The following CHL1 variants were observed in gnomAD, a reference collection of about 807,000 sequenced individuals.
The protein encoded by CHL1 is cell adhesion molecule L1 like.
Under a neutral mutation model 141.9 loss-of-function variants are expected in CHL1, and 96 were observed. The ratio of observed to expected loss-of-function variants is 0.68; its 90% CI spans 0.57 to 0.80. The LOEUF (loss-of-function observed/expected upper bound fraction) is 0.80, where lower values mean the gene tolerates loss of function less well. Among genes scored for constraint, CHL1 ranks in the 30% least tolerant of loss-of-function variants. The pLI is 0.00. For synonymous variants in CHL1, 613 were observed against 502.2 expected, an observed-to-expected ratio of 1.22 and a Z score of -2.95; for missense variants, 1,820 against 1,457.2, an observed-to-expected ratio of 1.25 and a Z score of -4.05.
intron 11 of CHL1, among the ~76,000 whole-genome samples, chr3:356,042 C>A (rs9311028): frequency 0.013 from 1,931 of 152,194 alleles, 40 homozygotes; most frequent in African/African-American, 0.045. Flanking sequence ...AAACAGCCCC[C>A]CGTAAGGTAT....
rs565188235 is a variant in CHL1 at position 218,351 on chromosome 3, G to C, written c.-175+21288G>C. On this transcript the variant is annotated intron_variant, in intron 1 of 27. Coordinates refer to ENST00000256509, the MANE Select transcript of CHL1 (RefSeq NM_006614.4). ...CTTTCCATTCAATTATTGATCATAAGCATGATGTGTGTTGATTAAAATGGC... is the reference window on the plus strand; with the variant it reads ...CTTTCCATTCAATTATTGATCATAACCATGATGTGTGTTGATTAAAATGGC... 1.2e-4 allele frequency among the ~76,000 whole-genome samples: 19 copies of C among 152,294 alleles called. 2 individuals are homozygous for C. The South Asian group carries it at 3.1e-3, about 25-fold the overall frequency.
chr3:315,229 C>A (rs139434227), intron 2 of CHL1, among the ~76,000 whole-genome samples: 82 of 152,278 alleles, frequency 5.4e-4, no homozygotes, highest in African/African-American at 1.8e-3. Context: ...TATACAGCAG[C>A]AACTATCACC....
intron 2 of CHL1, among the ~76,000 whole-genome samples, chr3:280,709 C>G (rs975107994): frequency 5.3e-5 from 8 of 152,082 alleles, no homozygotes; most frequent in African/African-American, 1.9e-4. Flanking sequence ...ATACCTTTTT[C>G]TCTGAGAAGG....
chr3:289,182 T>C (rs1697438813), intron 2 of CHL1, among the ~76,000 whole-genome samples: 1 of 152,156 alleles, frequency 6.6e-6, no homozygotes, highest in Admixed American at 6.5e-5. Context: ...TAAAAGGGAG[T>C]CATGAAACAA....
In CHL1 at chr3:234,462, A is replaced by T. The variant is rs544650320; in HGVS notation, c.-174-10151A>T. Reference sequence around the variant, plus strand: ...CATGAGACGTTACGTAGTTATCAAGACTAAAATACAAAGACAGCCCTGAAA... The same window carrying T: ...CATGAGACGTTACGTAGTTATCAAGTCTAAAATACAAAGACAGCCCTGAAA... On this transcript the variant is annotated intron_variant, in intron 1 of 27. Coordinates refer to ENST00000256509, the MANE Select transcript of CHL1 (RefSeq NM_006614.4). 6.6e-5 allele frequency among the ~76,000 whole-genome samples: 10 copies of T among 152,260 alleles called. No individual in the cohort carries two copies. The East Asian group carries it at 1.9e-3, about 29-fold the overall frequency.
chr3:251,308 G>A (rs990007965), intron 2 of CHL1, among the ~76,000 whole-genome samples: 19 of 152,230 alleles, frequency 1.2e-4, no homozygotes, highest in Admixed American at 3.9e-4. Flanking sequence ...TGTAGATAAT[G>A]CACTGAGAAT....
chr3:396,951 T>C (rs1708725728), intron 24 of CHL1, among the ~76,000 whole-genome samples: 1 of 152,192 alleles, frequency 6.6e-6, no homozygotes, highest in Non-Finnish European at 1.5e-5. Context: ...CTGCTATGCA[T>C]CTTTCTTCTT....
chr3:361,100 G>T (rs922530458), intron 12 of CHL1, among the ~76,000 whole-genome samples: 1 of 151,942 alleles, frequency 6.6e-6, no homozygotes, highest in South Asian at 2.1e-4. Flanking sequence ...TGACAAACCT[G>T]AGAAAAACAA....
At chr3:348,007 C>T (rs550347703) in intron 9 of CHL1, among the ~76,000 whole-genome samples, 3 of 152,254 alleles carry the variant, frequency 2.0e-5, no homozygotes, top group South Asian at 4.1e-4. Flanking sequence ...TAACCACAAA[C>T]TATCAATACA....
At chr3:211,670 G>T (rs1289634951) in intron 1 of CHL1, among the ~76,000 whole-genome samples, 1 of 151,998 alleles carries the variant, frequency 6.6e-6, no homozygotes, top group East Asian at 1.9e-4. Flanking sequence ...TCCCCTCACA[G>T]TCTTGCCAAA....
chr3:321,351 G>T (rs56230650), intron 3 of CHL1, among the ~76,000 whole-genome samples: 14,836 of 151,896 alleles, frequency 0.098, 1,033 homozygotes, highest in East Asian at 0.32. Context: ...GAAATCTTTC[G>T]GCCTACACAA....
chr3:343,155 A>G (rs1220040420), intron 8 of CHL1, 124 bp downstream of exon 8: 6 of 693,720 alleles, frequency 8.6e-6, no homozygotes, highest in Non-Finnish European at 1.4e-5. Context: ...AAACATCTGA[A>G]CTTAGAGGGT....
chr3:211,957 G>A (rs890585987), intron 1 of CHL1, among the ~76,000 whole-genome samples: 4 of 152,144 alleles, frequency 2.6e-5, no homozygotes, highest in African/African-American at 4.8e-5. Flanking sequence ...ACTGGAACTC[G>A]GATGTCTGAT....
At chr3:276,041 G>A (rs1696064253) in intron 2 of CHL1, among the ~76,000 whole-genome samples, 1 of 151,598 alleles carries the variant, frequency 6.6e-6, no homozygotes, top group Non-Finnish European at 1.5e-5. Flanking sequence ...AGAAGAGTTG[G>A]GGTTAAAGAT....
chr3:270,668 T>A (rs1258054821), intron 2 of CHL1, among the ~76,000 whole-genome samples: 3 of 152,212 alleles, frequency 2.0e-5, no homozygotes, highest in Admixed American at 2.0e-4. Context: ...GCTCACGATA[T>A]TGTGGATTAA....
At chr3:338,995 G>T (rs1207060201) in intron 5 of CHL1, among the ~76,000 whole-genome samples, 1 of 152,174 alleles carries the variant, frequency 6.6e-6, no homozygotes, top group African/African-American at 2.4e-5. Flanking sequence ...AGTGAACTGT[G>T]TATTCATATT....
chr3:221,715 T>C (rs1183643314), intron 1 of CHL1, among the ~76,000 whole-genome samples: 1 of 152,266 alleles, frequency 6.6e-6, no homozygotes, highest in African/African-American at 2.4e-5. Context: ...GTTCTGTGTG[T>C]TCTTACCATT....
rs1709562355 is a variant in CHL1 at position 406,861 on chromosome 3, G to A, written c.*1150G>A. 6.6e-6 allele frequency: 1 copy of A among 152,028 alleles called. No individual in the cohort carries two copies. The highest frequency in any genetic ancestry group is 2.4e-5 in the African/African-American group (1 of 41,398). The allele number at this position is 152,028 out of a possible 1,614,324, so 9.4% of individuals were successfully genotyped here. A position where few individuals can be genotyped will look rare whatever the true frequency, so the allele number is the denominator to read the frequency against. ...ATATCATATAAATATTGAGGGAAAT[G>A]TTTTCATATTTTTCAAAATAGGTTT... On this transcript the variant is annotated 3_prime_UTR_variant, in exon 28 of 28. Transcript: ENST00000256509.
intron 24 of CHL1, 108 bp downstream of exon 24, chr3:394,980 A>C: frequency 1.1e-6 from 1 of 914,938 alleles, no homozygotes. Context: ...GTAAATTAGA[A>C]ATGATTGTGA....
Sources: allele counts gnomAD v4.1 joint callset (sites outside exome capture counted in the v4.1 genomes callset), GRCh38; gene constraint gnomAD v4.1.1; transcripts MANE v1.5; gene names NCBI Gene and HGNC (gene_info 2026-07-23, HGNC 2026-07-21).